The following ADCY3 variants were observed in gnomAD, a reference collection of about 807,000 sequenced individuals.
The protein encoded by ADCY3 is adenylate cyclase type 3.
ADCY3 carries 70 observed loss-of-function variants against 119.4 expected under a neutral mutation model. The observed-to-expected ratio is 0.59, with a 90% confidence interval of 0.48 to 0.72. ADCY3 has a LOEUF of 0.72. Among genes scored for constraint, ADCY3 ranks in the 30% least tolerant of loss-of-function variants. The pLI is 0.00. For missense variants in ADCY3, 1,238 were observed against 1,541.6 expected (o/e 0.80, Z 3.30); for synonymous variants, 672 against 621.4 (o/e 1.08, Z -1.21).
In ADCY3 at chr2:24,843,427, C is replaced by A. The variant is rs186157758; in HGVS notation, c.826-1043G>T. 1.3e-4 allele frequency among the ~76,000 whole-genome samples: 20 copies of A among 152,310 alleles called. No individual in the cohort carries two copies. The Middle Eastern group carries it at 0.01, about 78-fold the overall frequency. On this transcript the variant is annotated intron_variant, in intron 3 of 21. Transcript: ENST00000679454. ...TTTACATTTTTTGTAGAAACAGGGT[C>A]TTGCCATGTTGCCCAAGCTGGTCTT...
At chr2:24,839,829 C>G (rs764068209) in intron 7 of ADCY3, 44 bp downstream of exon 7, 1 of 1,612,486 alleles carries the variant, frequency 6.2e-7, no homozygotes, top group Non-Finnish European at 8.5e-7. Flanking sequence ...AGGGGACGGT[C>G]CCCTCCCCAG....
chr2:24,832,106 C>T (rs904495534), intron 11 of ADCY3: 3 of 286,100 alleles, frequency 1.0e-5, no homozygotes, highest in Non-Finnish European at 2.0e-5. Flanking sequence ...GACGGGGAGG[C>T]CTCTCAGCAC....
chr2:24,885,519 C>T lies in ADCY3; in HGVS notation c.676-12800G>A, dbSNP rs542689912. Among the ~76,000 whole-genome samples the T allele has an allele frequency of 7.9e-5, 12 of 152,326 alleles. 1 individual carries two copies. In the South Asian group the frequency reaches 2.5e-3, roughly 32 times the overall value. ...GCCTGAACCAGCGCCAGCCTGCTCT[C>T]TCTCACTGAGCTCCTTTCTGTGCCT... On this transcript the variant is annotated intron_variant, in intron 2 of 21. Coordinates refer to ENST00000679454, the MANE Select transcript of ADCY3 (RefSeq NM_004036.5).
intron 19 of ADCY3, 48 bp downstream of exon 19, chr2:24,822,460 CTCT>C (rs1449316084): frequency 6.3e-6 from 10 of 1,598,796 alleles, no homozygotes; most frequent in Non-Finnish European, 8.6e-6. Context: ...GGCTGCCAAT[CTCT>C]TGCCTTGGGG....
chr2:24,918,823 C>T lies in ADCY3; in HGVS notation c.165G>A (p.Leu55=). 1 of 1,613,762 alleles carries T rather than the reference C, an allele frequency of 6.2e-7. No homozygotes were observed. Among genetic ancestry groups the T allele is most frequent in the East Asian group, 2.2e-5 (1 of 44,876 alleles). ...TCTCCAAGGACTCCGGCACGAAAGT[C>T]AGCCGCATGAAGCGAGGCAGGCACA... ...SCLCLPRFMR[L]TFVPESLENL... The change falls in exon 2 of 22, where the codon CTG becomes CTA. Residue 55 remains leucine, a synonymous_variant. Transcript: ENST00000679454. This position sits in a 1 kb window ranked among gnomAD's most constrained non-coding sequence, Gnocchi z 5.4.
In ADCY3 at chr2:24,820,311, G is replaced by A. The variant is rs182429048; in HGVS notation, c.3253-197C>T. ...GGGAAGGAGAACCCTGGAGTGACTG[G>A]CTGGGGGCCTCCTCTCATCCAGAGA... On this transcript the variant is annotated intron_variant, in intron 21 of 21. Coordinates refer to ENST00000679454, the MANE Select transcript of ADCY3 (RefSeq NM_004036.5). 4 of 1,300,858 alleles carry A rather than the reference G, an allele frequency of 3.1e-6. No homozygotes were observed. In the African/African-American group the frequency reaches 4.6e-5, roughly 15 times the overall value. The allele number at this position is 1,300,858 out of a possible 1,614,324, so 80.6% of individuals were successfully genotyped here.
intron 2 of ADCY3, among the ~76,000 whole-genome samples, chr2:24,912,488 C>T (rs1314059298): frequency 6.6e-6 from 1 of 152,158 alleles, no homozygotes; most frequent in African/African-American, 2.4e-5. Flanking sequence ...GCATCCCAGC[C>T]ATTCCATCTG....
In ADCY3 at chr2:24,827,527, G is replaced by A. The variant is rs1195425007; in HGVS notation, c.2495+19C>T. The stretch of plus-strand genomic sequence containing the variant: ...AAGGGCTGTGAGTGCAGGCCAGGAG[G>A]GGAAGCCGTGGCCCTTACCTGTCAG... On this transcript the variant is annotated intron_variant, in intron 15 of 21. Coordinates refer to ENST00000679454, the MANE Select transcript of ADCY3 (RefSeq NM_004036.5). 6.4e-7 allele frequency: 1 copy of A among 1,574,234 alleles called. No homozygotes were observed. The highest frequency in any genetic ancestry group is 2.3e-5 in the East Asian group (1 of 42,992).
At position 24,836,921 on chromosome 2, in the gene ADCY3, G is replaced by A. The variant is rs115329263; in HGVS notation, c.1658C>T (p.Ala553Val). The change falls in exon 9 of 22, where the codon GCC becomes GTC. Residue 553 changes from alanine to valine, a missense_variant. Ala to Val is a moderately conservative substitution (Grantham distance 64). This residue lies in a region of ADCY3 where 499 missense variants were observed against 571.0 expected (regional missense o/e 0.87). Coordinates refer to ENST00000679454, the MANE Select transcript of ADCY3 (RefSeq NM_004036.5). ...TGCCCTGAGCCCTGCACATACCTGGGCATCCTGCTCCTCGGGCTTCTCCGA... is the reference window on the plus strand; with the variant it reads ...TGCCCTGAGCCCTGCACATACCTGGACATCCTGCTCCTCGGGCTTCTCCGA... Reference protein sequence around the residue: ...STSEKPEEQDAQADNPSFPNP... With the variant: ...STSEKPEEQDVQADNPSFPNP... 1.2e-4 allele frequency: 200 copies of A among 1,612,094 alleles called. 1 individual carries two copies. In the African/African-American group the frequency reaches 2.0e-3, roughly 16 times the overall value.
At position 24,879,686 on chromosome 2, in the gene ADCY3, A is replaced by AAT. The variant is rs564051861; in HGVS notation, c.676-6968_676-6967insAT. ...CTTATTCTCATTTTGCAAGAGACTT[A>AAT]AAGTCAGAGAAATAAGCTTCCGAGC... On this transcript the variant is annotated intron_variant, in intron 2 of 21. Transcript: ENST00000679454. Among the ~76,000 whole-genome samples the AAT allele has an allele frequency of 7.2e-4, 110 of 152,330 alleles. 1 individual carries two copies. Among genetic ancestry groups the AAT allele is most frequent in the Middle Eastern group, 3.4e-3 (1 of 294 alleles).
chr2:24,920,233 C>A lies in ADCY3; in HGVS notation c.-748G>T, dbSNP rs1206967773. Among the ~76,000 whole-genome samples the A allele has an allele frequency of 1.4e-5, 2 of 143,450 alleles. No homozygotes were observed. Among genetic ancestry groups the A allele is most frequent in the African/African-American group, 5.1e-5 (2 of 39,364 alleles). 94.1% of individuals were successfully genotyped at this position (143,450 alleles called of 152,430 possible). On this transcript the variant is annotated 5_prime_UTR_variant, in exon 1 of 22. Coordinates refer to ENST00000679454, the MANE Select transcript of ADCY3 (RefSeq NM_004036.5). The surrounding 1 kb of genome is among the most constrained non-coding windows in gnomAD (Gnocchi z 4.5). ...GCGCCGGCGGCTCCGGGGCCACGCG[C>A]GCTCCAGGCCCCGGGAGGCGGGAGG...
intron 3 of ADCY3, among the ~76,000 whole-genome samples, chr2:24,860,841 C>A (rs1343782081): frequency 6.6e-6 from 1 of 152,172 alleles, no homozygotes; most frequent in Non-Finnish European, 1.5e-5. Flanking sequence ...ACCAGCGCAT[C>A]CCTACACCTC....
chr2:24,905,385 C>T (rs543119659), intron 2 of ADCY3, among the ~76,000 whole-genome samples: 15 of 152,320 alleles, frequency 9.8e-5, no homozygotes, highest in African/African-American at 2.9e-4. Flanking sequence ...CCGCCCGCCT[C>T]GGCCTCCCAA....
At position 24,819,696 on chromosome 2, in the gene ADCY3, T is replaced by G; in HGVS notation, c.*236A>C. On this transcript the variant is annotated 3_prime_UTR_variant, in exon 22 of 22. Coordinates refer to ENST00000679454, the MANE Select transcript of ADCY3 (RefSeq NM_004036.5). Reference sequence around the variant, plus strand: ...ACGGCAGGGATTGGAACGAGGGCTCTGGAAGGACTGTTCAGCCCTATGCCT... The same window carrying G: ...ACGGCAGGGATTGGAACGAGGGCTCGGGAAGGACTGTTCAGCCCTATGCCT... The G allele has an allele frequency of 2.2e-6, 1 of 463,318 alleles. No individual in the cohort carries two copies. The highest frequency in any genetic ancestry group is 3.3e-5 in the South Asian group (1 of 30,404). 28.7% of individuals were successfully genotyped at this position (463,318 alleles called of 1,614,324 possible). A position where few individuals can be genotyped will look rare whatever the true frequency, so the allele number is the denominator to read the frequency against.
At position 24,834,662 on chromosome 2, in the gene ADCY3, G is replaced by A. The variant is rs774665747; in HGVS notation, c.1806-16C>T. 4 of 1,610,626 alleles carry A rather than the reference G, an allele frequency of 2.5e-6. No homozygotes were observed. In the East Asian group the frequency reaches 6.7e-5, roughly 27 times the overall value. On this transcript the variant is annotated splice_polypyrimidine_tract_variant and intron_variant, in intron 10 of 21. Coordinates refer to ENST00000679454, the MANE Select transcript of ADCY3 (RefSeq NM_004036.5). The surrounding 1 kb of genome is among the most constrained non-coding windows in gnomAD (Gnocchi z 4.2). ...CTTCTTTACTCTGCAGTGGGAACAA[G>A]CCCCATGAATCCCAAATGCCACATC...
intron 20 of ADCY3, chr2:24,821,049 C>T: frequency 1.6e-6 from 1 of 606,900 alleles, no homozygotes; most frequent in Non-Finnish European, 2.6e-6. Flanking sequence ...CAGCCGCCAC[C>T]CCCCCCCCAT....
chr2:24,852,657 G>A (rs1479454421), intron 3 of ADCY3, among the ~76,000 whole-genome samples: 2 of 152,252 alleles, frequency 1.3e-5, no homozygotes, highest in Non-Finnish European at 2.9e-5. Flanking sequence ...GACCTCGACA[G>A]AGGCCTGCTG....
chr2:24,866,765 T>G (rs1221458732), intron 3 of ADCY3, among the ~76,000 whole-genome samples: 1 of 151,986 alleles, frequency 6.6e-6, no homozygotes, highest in African/African-American at 2.4e-5. Context: ...CAAATGGAAA[T>G]TCTAGGACAG....
Position 24,821,514 on chromosome 2 carries a change from C to T in ADCY3, c.3127+3G>A, listed in dbSNP as rs1296611319. 5 of 1,613,628 alleles carry T rather than the reference C, an allele frequency of 3.1e-6. No homozygotes were observed. Among genetic ancestry groups the T allele is most frequent in the Middle Eastern group, 1.7e-4 (1 of 6,056 alleles). On this transcript the variant is annotated splice_donor_region_variant and intron_variant, in intron 20 of 21. Transcript: ENST00000679454. Reference sequence around the variant, plus strand: ...GCGGGGCAGGCCAGCTGGGGGTGCTCACCTATGCGCAGCATGAAGTTATTG... The same window carrying T: ...GCGGGGCAGGCCAGCTGGGGGTGCTTACCTATGCGCAGCATGAAGTTATTG...
Sources: allele counts gnomAD v4.1 joint callset (sites outside exome capture counted in the v4.1 genomes callset), GRCh38; gene constraint gnomAD v4.1.1; regional missense constraint gnomAD v4.1.1; non-coding constraint Gnocchi (gnomAD v3.1); transcripts MANE v1.5; gene names NCBI Gene and HGNC (gene_info 2026-07-23, HGNC 2026-07-21).